NEK11: variants seen among roughly 807,000 people sequenced by gnomAD.
NEK11 encodes the protein NIMA related kinase 11, also known as serine/threonine-protein kinase Nek11.
NEK11 carries 72 observed loss-of-function variants against 80.7 expected under a neutral mutation model. That is an observed-to-expected ratio of 0.89 (90% CI 0.74 to 1.08). The LOEUF is 1.08. NEK11 is among the 50% of genes least tolerant of loss of function. NEK11 has a pLI of 0.00. For synonymous variants in NEK11, 251 were observed against 260.7 expected, an observed-to-expected ratio of 0.96 and a Z score of 0.36; for missense variants, 764 against 763.6, an observed-to-expected ratio of 1.00 and a Z score of -0.01.
intron 17 of NEK11, among the ~76,000 whole-genome samples, chr3:131,344,483 C>T (rs1349663795): frequency 6.6e-6 from 1 of 152,226 alleles, no homozygotes; most frequent in Non-Finnish European, 1.5e-5. Context: ...CCAATTTCTG[C>T]CCATTACCCA....
chr3:131,168,789 G>A, intron 12 of NEK11, 41 bp from the exon 13 acceptor site: 1 of 1,487,396 alleles, frequency 6.7e-7, no homozygotes, highest in Non-Finnish European at 9.3e-7. Flanking sequence ...AGAAAGACTT[G>A]GAAAACCACT....
At position 131,133,827 on chromosome 3, in the gene NEK11, A is replaced by C. The variant is rs767457540; in HGVS notation, c.521-3A>C. 5.0e-6 allele frequency: 8 copies of C among 1,604,244 alleles called. No individual in the cohort carries two copies. The highest frequency in any genetic ancestry group is 6.8e-6 in the Non-Finnish European group (8 of 1,175,846). On this transcript the variant is annotated splice_polypyrimidine_tract_variant and splice_region_variant and intron_variant, in intron 6 of 17. Transcript: ENST00000383366. The stretch of plus-strand genomic sequence containing the variant: ...ATTCATAAAAATTAATTATTATTTC[A>C]AGGAGATTTTGGAGTTTCTCGACTT...
chr3:131,279,710 A>AC (rs2096364836), intron 17 of NEK11, among the ~76,000 whole-genome samples: 1 of 152,010 alleles, frequency 6.6e-6, no homozygotes, highest in Non-Finnish European at 1.5e-5. Context: ...AGCATCATAG[A>AC]CCCCCATTGT....
At chr3:131,097,314 A>C (rs1410862214) in intron 4 of NEK11, among the ~76,000 whole-genome samples, 1 of 151,818 alleles carries the variant, frequency 6.6e-6, no homozygotes. Context: ...CACCACACTG[A>C]CTTCCACAAT....
At chr3:131,290,067 C>T (rs1561395101) in intron 17 of NEK11, among the ~76,000 whole-genome samples, 1 of 152,224 alleles carries the variant, frequency 6.6e-6, no homozygotes, top group Non-Finnish European at 1.5e-5. Flanking sequence ...AGAAAGCCAA[C>T]TCATTATCCA....
intron 5 of NEK11, among the ~76,000 whole-genome samples, chr3:131,121,858 G>A (rs1020315982): frequency 2.4e-4 from 37 of 152,324 alleles, no homozygotes; most frequent in African/African-American, 8.9e-4. Context: ...GGGTGGGAGT[G>A]TCCCAACTTT....
intron 7 of NEK11, among the ~76,000 whole-genome samples, chr3:131,143,967 A>G (rs2087573586): frequency 6.6e-6 from 1 of 152,148 alleles, no homozygotes. Context: ...TTACATCAAA[A>G]TAAAACATTA....
At chr3:131,226,779 A>C (rs549727641) in intron 14 of NEK11, among the ~76,000 whole-genome samples, 1 of 152,222 alleles carries the variant, frequency 6.6e-6, no homozygotes, top group Admixed American at 6.5e-5. Flanking sequence ...TCACCACTAC[A>C]AAAGTCACCC....
intron 17 of NEK11, among the ~76,000 whole-genome samples, chr3:131,298,017 A>G (rs1306540376): frequency 5.3e-5 from 8 of 151,890 alleles, no homozygotes; most frequent in Middle Eastern, 3.2e-3. Flanking sequence ...TGTTCCATTG[A>G]TCTATATCTC....
chr3:131,149,458 C>T (rs1320578085), intron 7 of NEK11, among the ~76,000 whole-genome samples: 4 of 151,904 alleles, frequency 2.6e-5, no homozygotes, highest in African/African-American at 7.2e-5. Flanking sequence ...TATGGTAGAA[C>T]GATTTGTATT....
At chr3:131,120,057 C>G (rs558220953) in intron 5 of NEK11, among the ~76,000 whole-genome samples, 188 of 152,280 alleles carry the variant, frequency 1.2e-3, no homozygotes, top group Non-Finnish European at 1.9e-3. Flanking sequence ...TTAGTTGATG[C>G]AGTTTCTTCC....
At chr3:131,081,556 A>G (rs771046283) in intron 4 of NEK11, among the ~76,000 whole-genome samples, 6 of 152,146 alleles carry the variant, frequency 3.9e-5, no homozygotes, top group Non-Finnish European at 7.4e-5. Context: ...TGGAGAGAGG[A>G]TTGACAGGGC....
chr3:131,296,990 C>T (rs913274436), intron 17 of NEK11, among the ~76,000 whole-genome samples: 1 of 152,194 alleles, frequency 6.6e-6, no homozygotes, highest in Non-Finnish European at 1.5e-5. Flanking sequence ...AGGAAATGAA[C>T]TCATCATTTT....
intron 14 of NEK11, among the ~76,000 whole-genome samples, chr3:131,223,235 T>A (rs1172824774): frequency 1.3e-5 from 2 of 152,194 alleles, no homozygotes; most frequent in Admixed American, 1.3e-4. Context: ...TTGAACGGAC[T>A]TACGTTTTTT....
rs1351481829 is a variant in NEK11, at chr3:131,165,520, G to GT, written c.1176+2dup. On this transcript the variant is annotated splice_donor_variant, in intron 12 of 17. Transcript: ENST00000383366. LOFTEE classifies it high-confidence loss of function. ...GCAGCTGAGTGTTGATGTACTCCAT[G>GT]TAAGTACCCTCTTATTTTAAATTTT... 1 of 1,574,768 alleles carries GT rather than the reference G, an allele frequency of 6.4e-7. No homozygotes were observed. The highest frequency in any genetic ancestry group is 8.7e-7 in the Non-Finnish European group (1 of 1,149,482).
chr3:131,327,879 T>TTTTTATTTTTATTTA (rs1384566241), intron 17 of NEK11: 1 of 152,206 alleles, frequency 6.6e-6, no homozygotes, highest in Non-Finnish European at 1.5e-5. Flanking sequence ...TTTGTAGCAC[T>TTTTTATTTTTATTTA]GAAAAAAATC....
At chr3:131,268,889 T>C (rs958592698) in intron 16 of NEK11, among the ~76,000 whole-genome samples, 1 of 152,210 alleles carries the variant, frequency 6.6e-6, no homozygotes, top group African/African-American at 2.4e-5. Flanking sequence ...CCCCATTGGC[T>C]CTGTCCCAGG....
At chr3:131,335,307 G>A (rs1249263363) in intron 17 of NEK11, among the ~76,000 whole-genome samples, 1 of 152,170 alleles carries the variant, frequency 6.6e-6, no homozygotes, top group Non-Finnish European at 1.5e-5. Flanking sequence ...TGCAAGGCTG[G>A]TTCAATATAT....
chr3:131,196,104 C>T (rs2093999809), intron 14 of NEK11, among the ~76,000 whole-genome samples: 1 of 151,782 alleles, frequency 6.6e-6, no homozygotes, highest in Non-Finnish European at 1.5e-5. Context: ...CTAGGTTCTA[C>T]TGTGATATAA....
Sources: allele counts gnomAD v4.1 joint callset (sites outside exome capture counted in the v4.1 genomes callset), GRCh38; gene constraint gnomAD v4.1.1; transcripts MANE v1.5; gene names NCBI Gene and HGNC (gene_info 2026-07-23, HGNC 2026-07-21).